Variants in EHBP1 observed in about 807,000 individuals in gnomAD.
EHBP1 encodes EH domain binding protein 1.
EHBP1 carries 55 observed loss-of-function variants against 144.0 expected under a neutral mutation model. The ratio of observed to expected loss-of-function variants is 0.38; its 90% confidence interval spans 0.31 to 0.48. The LOEUF is 0.48. EHBP1 is among the 20% of genes least tolerant of loss of function. The probability of loss-of-function intolerance (pLI) is 0.98; values close to 1 mark genes in which losing one functional copy is unlikely to be tolerated. For synonymous variants in EHBP1, 469 were observed against 472.7 expected (o/e 0.99, Z 0.10); for missense variants, 1,200 against 1,364.2 (o/e 0.88, Z 1.90).
chr2:62,731,917 T>A (rs971440005), intron 2 of EHBP1, among the ~76,000 whole-genome samples: 1 of 152,170 alleles, frequency 6.6e-6, no homozygotes, highest in Non-Finnish European at 1.5e-5. Context: ...GTGATAAATT[T>A]TTTTAACTTT....
chr2:62,705,074 A>C (rs1473992679), upstream of EHBP1, among the ~76,000 whole-genome samples: 1 of 152,150 alleles, frequency 6.6e-6, no homozygotes, highest in African/African-American at 2.4e-5. Flanking sequence ...ACTGAAGACC[A>C]GTTGACTCTA....
At chr2:62,719,617 A>G (rs1335041161) in intron 2 of EHBP1, among the ~76,000 whole-genome samples, 2 of 152,258 alleles carry the variant, frequency 1.3e-5, no homozygotes, top group Non-Finnish European at 2.9e-5. Flanking sequence ...GGATTCAACC[A>G]ACTGTGGATT....
At chr2:63,037,726 G>A (rs960993849) in intron 20 of EHBP1, 92 bp downstream of exon 20, 37 of 713,802 alleles carry the variant, frequency 5.2e-5, no homozygotes, top group Non-Finnish European at 7.6e-5. Context: ...ATATTTATTC[G>A]GTATTTTCCC....
chr2:62,842,209 C>T (rs1400166184), intron 7 of EHBP1, among the ~76,000 whole-genome samples: 1 of 152,116 alleles, frequency 6.6e-6, no homozygotes, highest in Non-Finnish European at 1.5e-5. Flanking sequence ...GCCTCAGCCT[C>T]CCGAGTAGCT....
chr2:62,832,183 T>A (rs1004332327), intron 7 of EHBP1, among the ~76,000 whole-genome samples: 1 of 152,224 alleles, frequency 6.6e-6, no homozygotes, highest in African/African-American at 2.4e-5. Flanking sequence ...TGTGCTTTGT[T>A]TATTTATTTC....
In EHBP1 at chr2:62,796,573, C is replaced by T. The variant is rs551758304; in HGVS notation, c.312+25181C>T. On this transcript the variant is annotated intron_variant, in intron 5 of 22. Transcript: ENST00000431489. The stretch of plus-strand genomic sequence containing the variant: ...GTCTTAATTCTTTCCACACATAAAA[C>T]GTAATTTTGATTGTTAAGATTTTAA... Among the ~76,000 whole-genome samples, 36 of 152,176 alleles carry T rather than the reference C, an allele frequency of 2.4e-4. 1 individual carries two copies. Among genetic ancestry groups the T allele is most frequent in the East Asian group, 5.8e-4 (3 of 5,184 alleles).
At chr2:62,724,963 G>A (rs1018232867) in intron 2 of EHBP1, among the ~76,000 whole-genome samples, 2 of 152,214 alleles carry the variant, frequency 1.3e-5, no homozygotes, top group Non-Finnish European at 2.9e-5. Context: ...GGTTCCTGGT[G>A]CCATAAAGAT....
intron 1 of EHBP1, 36 bp downstream of exon 1, chr2:62,706,088 G>A: frequency 6.5e-6 from 1 of 153,854 alleles, no homozygotes; most frequent in Non-Finnish European, 1.5e-5. Context: ...GAGCGGCGGG[G>A]CCGGGGCTCG....
At chr2:62,724,018 C>T (rs1462951325) in intron 2 of EHBP1, among the ~76,000 whole-genome samples, 1 of 152,152 alleles carries the variant, frequency 6.6e-6, no homozygotes, top group Non-Finnish European at 1.5e-5. Context: ...ATGTTGGCCT[C>T]TCTAGCTAGG....
At chr2:63,014,872 G>T (rs958979239) in intron 19 of EHBP1, among the ~76,000 whole-genome samples, 11 of 152,136 alleles carry the variant, frequency 7.2e-5, no homozygotes, top group Non-Finnish European at 1.3e-4. Context: ...CAGCTACTCG[G>T]GAGGCTGAGG....
chr2:62,682,351 G>A (rs565299246), intron 1 of EHBP1, among the ~76,000 whole-genome samples: 47 of 152,332 alleles, frequency 3.1e-4, no homozygotes, highest in Non-Finnish European at 6.0e-4. Context: ...AGTGGTGATC[G>A]TTGTCATTGT....
At chr2:62,830,979 C>A in intron 6 of EHBP1, 40 bp from the exon 7 acceptor site, 2 of 1,583,722 alleles carry the variant, frequency 1.3e-6, no homozygotes, top group South Asian at 2.3e-5. Context: ...TTCTAACTGT[C>A]ATTTAGTACA....
At chr2:62,898,826 T>C (rs1456877199) in intron 10 of EHBP1, among the ~76,000 whole-genome samples, 3 of 152,184 alleles carry the variant, frequency 2.0e-5, no homozygotes, top group Non-Finnish European at 4.4e-5. Context: ...TCATCCTGGC[T>C]CGGCCTTTAA....
At chr2:62,972,660 T>C (rs548506988) in intron 14 of EHBP1, among the ~76,000 whole-genome samples, 6 of 152,286 alleles carry the variant, frequency 3.9e-5, no homozygotes, top group African/African-American at 1.4e-4. Flanking sequence ...AACACAGATA[T>C]GCCATCCCAC....
At chr2:62,828,750 T>C (rs959245484) in intron 6 of EHBP1, among the ~76,000 whole-genome samples, 4 of 152,218 alleles carry the variant, frequency 2.6e-5, no homozygotes, top group African/African-American at 9.6e-5. Context: ...CTCTAGATCT[T>C]ATCTGATTTG....
intron 10 of EHBP1, among the ~76,000 whole-genome samples, chr2:62,922,545 C>T (rs564834866): frequency 1.3e-5 from 2 of 152,246 alleles, no homozygotes; most frequent in South Asian, 4.2e-4. Context: ...ATACTAATAT[C>T]AGACAAAATG....
chr2:62,979,251 C>G lies in EHBP1; in HGVS notation c.2524C>G (p.Arg842Gly), dbSNP rs1049124249. Reference protein sequence around the residue: ...ERARQLIAEARSGVKMSELPS... With the variant: ...ERARQLIAEAGSGVKMSELPS... ...AGCTCGTCAGCTAATAGCAGAAGCT[C>G]GATCTGGAGTGAAGATGTCAGAACT... is the stretch of plus-strand genomic sequence containing the variant. Residue 842 changes from arginine (R) to glycine (G), a missense_variant, in exon 15 of 23, where the codon CGA (arginine) becomes GGA (glycine). Arg to Gly is a moderately radical substitution (Grantham distance 125, BLOSUM62 -2). Transcript: ENST00000431489. 12 of 1,613,698 alleles carry G rather than the reference C, an allele frequency of 7.4e-6. No homozygotes were observed. The highest frequency in any genetic ancestry group is 1.0e-5 in the Non-Finnish European group (12 of 1,179,866).
intron 20 of EHBP1, among the ~76,000 whole-genome samples, chr2:63,038,407 T>C (rs530595779): frequency 6.6e-6 from 1 of 152,288 alleles, no homozygotes; most frequent in African/African-American, 2.4e-5. Flanking sequence ...TCTTTTCATA[T>C]GGAGTTTTGG....
intron 19 of EHBP1, among the ~76,000 whole-genome samples, chr2:63,001,305 A>G (rs1302473837): frequency 6.6e-6 from 1 of 152,264 alleles, no homozygotes; most frequent in Non-Finnish European, 1.5e-5. Context: ...TAAAAGGATC[A>G]TGAGCCTTCT....
Sources: allele counts gnomAD v4.1 joint callset (sites outside exome capture counted in the v4.1 genomes callset), GRCh38; gene constraint gnomAD v4.1.1; transcripts MANE v1.5; gene names NCBI Gene and HGNC (gene_info 2026-07-23, HGNC 2026-07-21).